Variants in CPPED1 observed in about 807,000 individuals in gnomAD.
CPPED1 encodes calcineurin like phosphoesterase domain containing 1, also known as serine/threonine-protein phosphatase CPPED1.
Under a neutral mutation model 28.0 loss-of-function variants are expected in CPPED1, and 28 were observed. The observed-to-expected ratio is 1.00, with a 90% CI of 0.74 to 1.37. The LOEUF (loss-of-function observed/expected upper bound fraction) is 1.37. Among genes scored for constraint, CPPED1 ranks in the 40% most tolerant of loss-of-function variants. The pLI is 0.00. For synonymous variants in CPPED1, 198 were observed against 180.2 expected, an observed-to-expected ratio of 1.10 and a Z score of -0.79; for missense variants, 504 against 416.5, an observed-to-expected ratio of 1.21 and a Z score of -1.83.
intron 3 of CPPED1, among the ~76,000 whole-genome samples, chr16:12,695,702 T>C (rs2079986256): frequency 6.6e-6 from 1 of 152,230 alleles, no homozygotes; most frequent in Non-Finnish European, 1.5e-5. Context: ...GTTCAAACTG[T>C]GTTCAAATAA....
At chr16:12,677,515 G>A (rs373447083) in intron 3 of CPPED1, among the ~76,000 whole-genome samples, 1 of 152,188 alleles carries the variant, frequency 6.6e-6, no homozygotes, top group East Asian at 1.9e-4. Context: ...GGTGGTGGGC[G>A]TCAGTAATCC....
intron 2 of CPPED1, among the ~76,000 whole-genome samples, chr16:12,732,554 C>G (rs187222785): frequency 2.7e-5 from 4 of 150,840 alleles, no homozygotes; most frequent in African/African-American, 7.3e-5. Flanking sequence ...AAAGGACTTC[C>G]GAGAACAAAA....
chr16:12,669,004 T>C (rs2079840313), intron 3 of CPPED1, among the ~76,000 whole-genome samples: 1 of 152,242 alleles, frequency 6.6e-6, no homozygotes, highest in East Asian at 1.9e-4. Flanking sequence ...ATGAAAACAT[T>C]TGCCCATGCA....
chr16:12,690,024 C>A (rs979917887), intron 3 of CPPED1, among the ~76,000 whole-genome samples: 9 of 152,202 alleles, frequency 5.9e-5, no homozygotes, highest in African/African-American at 2.2e-4. Context: ...TGTCTCTTTT[C>A]TCAAGACAAT....
intron 3 of CPPED1, among the ~76,000 whole-genome samples, chr16:12,685,185 T>G (rs2079926500): frequency 1.3e-5 from 2 of 152,320 alleles, no homozygotes; most frequent in South Asian, 2.1e-4. Flanking sequence ...GTGCGGCGGC[T>G]CACGCCTGCA....
chr16:12,746,059 A>G (rs2080285183), intron 2 of CPPED1: 1 of 152,222 alleles, frequency 6.6e-6, no homozygotes, highest in South Asian at 2.1e-4. Flanking sequence ...AAATCAATAC[A>G]AAACAAAATT....
chr16:12,746,121 T>C (rs2080285755), intron 2 of CPPED1: 1 of 152,126 alleles, frequency 6.6e-6, no homozygotes, highest in African/African-American at 2.4e-5. Context: ...ACGCCTGTAA[T>C]CCCAACACTT....
intron 3 of CPPED1, among the ~76,000 whole-genome samples, chr16:12,677,278 C>T (rs1219907037): frequency 5.3e-5 from 8 of 152,178 alleles, no homozygotes; most frequent in Middle Eastern, 3.4e-3. Context: ...TAGGCGAGGG[C>T]GGGGAAAGGC....
intron 2 of CPPED1, among the ~76,000 whole-genome samples, chr16:12,754,386 G>A (rs980227743): frequency 6.6e-6 from 1 of 152,032 alleles, no homozygotes; most frequent in African/African-American, 2.4e-5. Context: ...ACACAGGGGC[G>A]CCTGTCTTTC....
chr16:12,770,523 T>C (rs1295593891), intron 2 of CPPED1, among the ~76,000 whole-genome samples: 2 of 152,220 alleles, frequency 1.3e-5, no homozygotes, highest in Non-Finnish European at 2.9e-5. Flanking sequence ...CACGTTTGTA[T>C]TTAAGAAAAG....
intron 1 of CPPED1, among the ~76,000 whole-genome samples, chr16:12,794,673 T>G (rs1296621334): frequency 1.3e-5 from 2 of 152,216 alleles, no homozygotes; most frequent in East Asian, 3.8e-4. Flanking sequence ...CTTTTGAGCA[T>G]GACCTTTGAT....
intron 1 of CPPED1, among the ~76,000 whole-genome samples, chr16:12,790,697 G>A (rs2080590877): frequency 6.6e-6 from 1 of 152,010 alleles, no homozygotes; most frequent in African/African-American, 2.4e-5. Context: ...GAGTGGCGGG[G>A]CGGGGGTTGG....
intron 2 of CPPED1, among the ~76,000 whole-genome samples, chr16:12,751,522 GCAGCTCCTGCAGCCA>G (rs1275169923): frequency 6.6e-6 from 1 of 152,184 alleles, no homozygotes; most frequent in Non-Finnish European, 1.5e-5. Flanking sequence ...TGTGATGGCT[GCAGCTCCTGCAGCCA>G]TTTTGTAAGC....
At chr16:12,720,476 T>A (rs373128756) in intron 2 of CPPED1, 2 of 152,676 alleles carry the variant, frequency 1.3e-5, no homozygotes, top group African/African-American at 4.8e-5. Context: ...ATTAACAAAG[T>A]GTTTTATTAT....
intron 1 of CPPED1, among the ~76,000 whole-genome samples, 186 bp downstream of exon 1, chr16:12,803,521 C>T (rs969301348): frequency 6.6e-6 from 1 of 152,256 alleles, no homozygotes; most frequent in African/African-American, 2.4e-5. Flanking sequence ...CTCTCTCGGC[C>T]TCGCCTCTCA....
chr16:12,760,332 G>C (rs1322538269), intron 2 of CPPED1: 2 of 152,166 alleles, frequency 1.3e-5, no homozygotes, highest in African/African-American at 4.8e-5. Flanking sequence ...GGATACCAAA[G>C]GATGATGATA....
At chr16:12,756,571 G>T (rs2080370415) in intron 2 of CPPED1, among the ~76,000 whole-genome samples, 1 of 152,228 alleles carries the variant, frequency 6.6e-6, no homozygotes, top group Non-Finnish European at 1.5e-5. Flanking sequence ...CACAGGCATG[G>T]TGGAGCACAC....
chr16:12,693,551 T>G (rs941099177), intron 3 of CPPED1, among the ~76,000 whole-genome samples: 6 of 152,154 alleles, frequency 3.9e-5, no homozygotes, highest in African/African-American at 1.4e-4. Context: ...CATTTTTAAG[T>G]AAAATTTAAA....
intron 2 of CPPED1, among the ~76,000 whole-genome samples, chr16:12,714,661 G>T (rs561973389): frequency 4.6e-5 from 7 of 152,178 alleles, no homozygotes; most frequent in Non-Finnish European, 1.0e-4. Flanking sequence ...TTAATATTTA[G>T]TTGTAAGAGT....
Sources: gnomAD v4.1 joint callset for allele counts (sites outside exome capture counted in the v4.1 genomes callset) on GRCh38, gnomAD v4.1.1 for gene constraint, MANE v1.5 for transcripts, NCBI Gene and HGNC (gene_info 2026-07-23, HGNC 2026-07-21) for gene names.